Variants in ESR1 observed in about 807,000 individuals in gnomAD.
ESR1 encodes estrogen receptor 1.
ESR1 carries 12 observed loss-of-function variants against 52.7 expected under a neutral mutation model. That is an observed-to-expected ratio of 0.23 (90% CI 0.15 to 0.37). The LOEUF (loss-of-function observed/expected upper bound fraction) is 0.37, where lower values mean the gene tolerates loss of function less well. Ranked by LOEUF, ESR1 falls within the 10% of genes least tolerant of loss-of-function variation. ESR1 has a pLI of 1.00. For missense variants in ESR1, 584 were observed against 779.7 expected (o/e 0.75, Z 2.99); for synonymous variants, 305 against 316.8 (o/e 0.96, Z 0.39).
chr6:151,802,724 C>T (rs1426768811), upstream of ESR1, among the ~76,000 whole-genome samples: 3 of 152,198 alleles, frequency 2.0e-5, no homozygotes, highest in African/African-American at 7.2e-5. Context: ...CGTGATGGCT[C>T]ATGCCTATAA....
intron 3 of ESR1, among the ~76,000 whole-genome samples, chr6:151,891,637 C>G (rs1469243392): frequency 6.6e-6 from 1 of 152,044 alleles, no homozygotes; most frequent in African/African-American, 2.4e-5. Context: ...GACAGGAAAC[C>G]AAGTCTCCTG....
At chr6:151,823,322 A>G (rs1267348068) in intron 1 of ESR1, among the ~76,000 whole-genome samples, 4 of 152,140 alleles carry the variant, frequency 2.6e-5, no homozygotes, top group African/African-American at 7.2e-5. Flanking sequence ...TATTTTTGTC[A>G]TTATTATTGA....
chr6:151,698,431 C>T (rs1171472379), intron 1 of ESR1, among the ~76,000 whole-genome samples: 1 of 151,376 alleles, frequency 6.6e-6, no homozygotes, highest in African/African-American at 2.4e-5. Flanking sequence ...AACCCATGGG[C>T]ATCTGTGCTG....
intron 1 of ESR1, among the ~76,000 whole-genome samples, chr6:151,695,611 T>A (rs930355141): frequency 1.3e-5 from 2 of 152,222 alleles, no homozygotes; most frequent in African/African-American, 4.8e-5. Context: ...ATTTTTGAGA[T>A]CCTTCTTTCC....
At chr6:151,736,466 G>A (rs577693689) in intron 2 of ESR1, among the ~76,000 whole-genome samples, 4 of 141,626 alleles carry the variant, frequency 2.8e-5, no homozygotes, top group African/African-American at 5.2e-5. Flanking sequence ...TCCACTTCCC[G>A]GCCTCAAGCA....
chr6:151,960,200 A>G (rs998544928), intron 4 of ESR1, among the ~76,000 whole-genome samples: 1 of 152,194 alleles, frequency 6.6e-6, no homozygotes, highest in African/African-American at 2.4e-5. Flanking sequence ...TTTTCACTGG[A>G]CATGCTATGA....
chr6:152,054,883 G>A (rs993438907), intron 5 of ESR1, among the ~76,000 whole-genome samples: 1 of 152,130 alleles, frequency 6.6e-6, no homozygotes, highest in African/African-American at 2.4e-5. Flanking sequence ...GATCATGCCA[G>A]TTGGAAATGA....
At chr6:152,125,541 C>A in exon 7 of ESR1, 1 of 707,684 alleles carries the variant, frequency 1.4e-6, no homozygotes, top group Non-Finnish European at 2.1e-6. Flanking sequence ...TAGCTACCCA[C>A]AAACTTTGGA....
At chr6:151,866,392 T>C (rs1004766556) in intron 2 of ESR1, among the ~76,000 whole-genome samples, 1 of 152,164 alleles carries the variant, frequency 6.6e-6, no homozygotes. Context: ...GTTAGTTACG[T>C]AGGTATACAC....
At chr6:151,823,508 C>T (rs768290860) in intron 1 of ESR1, among the ~76,000 whole-genome samples, 8 of 151,922 alleles carry the variant, frequency 5.3e-5, no homozygotes, top group Non-Finnish European at 8.8e-5. Context: ...TTCTAGGGTA[C>T]ATGTGCACAA....
intron 4 of ESR1, among the ~76,000 whole-genome samples, chr6:152,001,197 T>C (rs1043763413): frequency 3.3e-5 from 5 of 151,922 alleles, no homozygotes; most frequent in African/African-American, 1.2e-4. Context: ...TGAGACTGGG[T>C]AATGTACAAA....
chr6:151,999,566 G>A (rs1003039895), intron 4 of ESR1, among the ~76,000 whole-genome samples: 3 of 152,144 alleles, frequency 2.0e-5, no homozygotes, highest in Admixed American at 2.0e-4. Context: ...AGAAAAGCAG[G>A]AGATGGGGAA....
At chr6:151,822,424 C>T (rs1369613596) in intron 1 of ESR1, among the ~76,000 whole-genome samples, 1 of 152,186 alleles carries the variant, frequency 6.6e-6, no homozygotes. Flanking sequence ...GAAAACAAAG[C>T]TCACTCCCCT....
chr6:151,823,726 G>A (rs999165462), intron 1 of ESR1, among the ~76,000 whole-genome samples: 2 of 152,058 alleles, frequency 1.3e-5, no homozygotes, highest in Non-Finnish European at 2.9e-5. Flanking sequence ...GCGGTGTTTG[G>A]TTTTTTGTCC....
At chr6:151,745,127 A>G (rs1029886909) in intron 2 of ESR1, among the ~76,000 whole-genome samples, 4 of 152,220 alleles carry the variant, frequency 2.6e-5, no homozygotes, top group Admixed American at 6.5e-5. Flanking sequence ...AAAAAACTTT[A>G]TTCTTTCCTT....
At chr6:151,918,338 G>A (rs2030810930) in intron 3 of ESR1, among the ~76,000 whole-genome samples, 1 of 152,220 alleles carries the variant, frequency 6.6e-6, no homozygotes, top group Middle Eastern at 3.2e-3. Context: ...GAGAGGGTAT[G>A]ATTGAGTTCT....
At chr6:151,870,933 C>A (rs1165869334) in intron 2 of ESR1, among the ~76,000 whole-genome samples, 3 of 152,032 alleles carry the variant, frequency 2.0e-5, no homozygotes, top group Non-Finnish European at 4.4e-5. Flanking sequence ...CTCAGGGCAA[C>A]CTCGACCTCC....
intron 4 of ESR1, among the ~76,000 whole-genome samples, chr6:152,010,879 C>T (rs917754348): frequency 3.3e-5 from 5 of 149,886 alleles, no homozygotes; most frequent in African/African-American, 9.8e-5. Context: ...TCTCCTCCTC[C>T]TTCTCCTTCT....
At chr6:151,805,234 G>C (rs1268579740), upstream of ESR1, 1 of 152,170 alleles carries the variant, frequency 6.6e-6, no homozygotes, top group African/African-American at 2.4e-5. Flanking sequence ...TTCAGAGACT[G>C]GGGGCTAGGG....
Sources: allele counts gnomAD v4.1 joint callset (sites outside exome capture counted in the v4.1 genomes callset), GRCh38; gene constraint gnomAD v4.1.1; transcripts MANE v1.5; gene names NCBI Gene and HGNC (gene_info 2026-07-23, HGNC 2026-07-21).